Variants in CADM2 observed in about 807,000 individuals in gnomAD.
The protein encoded by CADM2 is cell adhesion molecule 2.
CADM2 carries 12 observed loss-of-function variants against 49.8 expected under a neutral mutation model. The ratio of observed to expected loss-of-function variants is 0.24; its 90% confidence interval spans 0.15 to 0.39. The LOEUF is 0.39. CADM2 is among the 10% of genes least tolerant of loss of function. The pLI is 1.00. For synonymous variants in CADM2, 214 were observed against 175.4 expected, an observed-to-expected ratio of 1.22 and a Z score of -1.74; for missense variants, 378 against 492.3, an observed-to-expected ratio of 0.77 and a Z score of 2.20.
intron 3 of CADM2, among the ~76,000 whole-genome samples, chr3:85,828,484 A>G (rs1163860445): frequency 6.6e-6 from 1 of 152,012 alleles, no homozygotes; most frequent in Non-Finnish European, 1.5e-5. Context: ...TGACACATAT[A>G]TTACGTATGA....
intron 7 of CADM2, among the ~76,000 whole-genome samples, chr3:85,941,465 C>T (rs183428408): frequency 4.0e-4 from 61 of 151,904 alleles, no homozygotes; most frequent in African/African-American, 1.3e-3. Flanking sequence ...ACAGCAACTT[C>T]GATATTTTAT....
chr3:85,241,285 A>G (rs2042524146), intron 1 of CADM2, among the ~76,000 whole-genome samples: 5 of 151,536 alleles, frequency 3.3e-5, no homozygotes, highest in Admixed American at 3.3e-4. Context: ...AGCCTAGATT[A>G]TGATAGGACA....
At chr3:85,190,793 G>A (rs1173278431) in intron 1 of CADM2, among the ~76,000 whole-genome samples, 1 of 152,042 alleles carries the variant, frequency 6.6e-6, no homozygotes, top group African/African-American at 2.4e-5. Flanking sequence ...TTCTTACCGA[G>A]TTCATAAGTT....
chr3:85,051,548 G>A (rs2035883787), intron 1 of CADM2, among the ~76,000 whole-genome samples: 1 of 152,092 alleles, frequency 6.6e-6, no homozygotes, highest in Non-Finnish European at 1.5e-5. Flanking sequence ...CTGTGTTACT[G>A]ATGATTTGGC....
chr3:85,867,058 C>T lies in CADM2; in HGVS notation c.239-16233C>T, dbSNP rs183576461. Among the ~76,000 whole-genome samples, 429 of 152,172 alleles carry T rather than the reference C, an allele frequency of 2.8e-3. 1 individual carries two copies. Among genetic ancestry groups the T allele is most frequent in the African/African-American group, 9.9e-3 (413 of 41,522 alleles). On this transcript the variant is annotated intron_variant, in intron 3 of 9. Transcript: ENST00000383699. ...ATATATAACATTTAGTATAATCATA[C>T]TATAAATTCCCTTATTATTATTTTT...
chr3:85,332,679 T>A (rs1203546560), intron 1 of CADM2, among the ~76,000 whole-genome samples: 2 of 151,988 alleles, frequency 1.3e-5, no homozygotes, highest in African/African-American at 4.8e-5. Flanking sequence ...GTAAAATATG[T>A]CCTCTGGAGT....
Position 85,179,722 on chromosome 3 carries a change from G to A in CADM2, c.61+220054G>A, listed in dbSNP as rs1266983274. Among the ~76,000 whole-genome samples, 5 of 152,042 alleles carry A rather than the reference G, an allele frequency of 3.3e-5. No homozygotes were observed. In the South Asian group the frequency reaches 1.0e-3, roughly 32 times the overall value. On this transcript the variant is annotated intron_variant, in intron 1 of 9. Coordinates refer to ENST00000383699, the MANE Select transcript of CADM2 (RefSeq NM_001167675.2). The stretch of plus-strand genomic sequence containing the variant: ...ATAGATTTTTTTCCACAAGTGCTTA[G>A]ACCCAGCTGGTAGAATAACTATGTA...
chr3:85,266,413 G>C (rs2043122157), intron 1 of CADM2, among the ~76,000 whole-genome samples: 1 of 151,814 alleles, frequency 6.6e-6, no homozygotes, highest in African/African-American at 2.4e-5. Context: ...AATAGATTCA[G>C]ACTGTGACAG....
intron 1 of CADM2, among the ~76,000 whole-genome samples, chr3:85,079,717 A>G (rs1424205757): frequency 3.3e-5 from 5 of 151,958 alleles, no homozygotes; most frequent in African/African-American, 1.2e-4. Flanking sequence ...AAAAATAAAA[A>G]AAATTACATA....
intron 1 of CADM2, among the ~76,000 whole-genome samples, chr3:85,635,713 T>A (rs897176437): frequency 6.6e-5 from 10 of 152,174 alleles, no homozygotes; most frequent in African/African-American, 9.6e-5. Context: ...ACAAATAATA[T>A]ATACACTAAT....
chr3:85,638,616 A>T (rs2064596896), intron 1 of CADM2, among the ~76,000 whole-genome samples: 1 of 151,990 alleles, frequency 6.6e-6, no homozygotes, highest in Non-Finnish European at 1.5e-5. Context: ...ATTTTCTACC[A>T]TTTGTTTTAC....
intron 1 of CADM2, among the ~76,000 whole-genome samples, chr3:85,558,983 G>A (rs887761612): frequency 2.0e-5 from 3 of 152,016 alleles, no homozygotes; most frequent in Non-Finnish European, 4.4e-5. Flanking sequence ...GACTGATTAC[G>A]TATGCATTTG....
chr3:85,694,511 C>G (rs1419069487), intron 1 of CADM2, among the ~76,000 whole-genome samples: 5 of 152,114 alleles, frequency 3.3e-5, no homozygotes, highest in Admixed American at 6.6e-5. Context: ...GCTTTTTAAC[C>G]CACCCAGTGT....
intron 1 of CADM2, among the ~76,000 whole-genome samples, chr3:85,170,713 C>T (rs931395075): frequency 1.3e-5 from 2 of 152,084 alleles, no homozygotes; most frequent in Non-Finnish European, 2.9e-5. Context: ...ATTTGTTTGT[C>T]CTTATGTTGG....
intron 7 of CADM2, among the ~76,000 whole-genome samples, chr3:85,960,214 T>C (rs893594693): frequency 1.3e-5 from 2 of 151,968 alleles, no homozygotes; most frequent in Non-Finnish European, 2.9e-5. Flanking sequence ...ACAACTTTTA[T>C]CCCTTCTACA....
At chr3:85,299,296 G>A (rs935585513) in intron 1 of CADM2, among the ~76,000 whole-genome samples, 4 of 151,742 alleles carry the variant, frequency 2.6e-5, no homozygotes, top group African/African-American at 7.3e-5. Flanking sequence ...GTAAAACTGG[G>A]GATGCATATG....
At chr3:85,846,071 A>G (rs1559697480) in intron 3 of CADM2, among the ~76,000 whole-genome samples, 1 of 152,102 alleles carries the variant, frequency 6.6e-6, no homozygotes, top group African/African-American at 2.4e-5. Flanking sequence ...CATAGGAGAG[A>G]CTCAGAGAAG....
intron 5 of CADM2, among the ~76,000 whole-genome samples, chr3:85,895,348 C>G (rs910349359): frequency 3.9e-5 from 6 of 152,222 alleles, no homozygotes; most frequent in Non-Finnish European, 7.3e-5. Context: ...TGTGACAATG[C>G]ACAGGGCCTG....
rs376644412 is a variant in CADM2, at chr3:85,274,731, A to C, written c.61+315063A>C. On this transcript the variant is annotated intron_variant, in intron 1 of 9. Coordinates refer to ENST00000383699, the MANE Select transcript of CADM2 (RefSeq NM_001167675.2). ...GCTAGTAGGACAACAGTAGTGATCAAGACAGACCTTCTTGTCTTCGTGGAG... is the reference window on the plus strand; with the variant it reads ...GCTAGTAGGACAACAGTAGTGATCACGACAGACCTTCTTGTCTTCGTGGAG... Among the ~76,000 whole-genome samples, 272 of 151,692 alleles carry C rather than the reference A, an allele frequency of 1.8e-3. 1 individual carries two copies. The highest frequency in any genetic ancestry group is 6.3e-3 in the African/African-American group (262 of 41,478).
Sources: allele counts gnomAD v4.1 joint callset (sites outside exome capture counted in the v4.1 genomes callset), GRCh38; gene constraint gnomAD v4.1.1; transcripts MANE v1.5; gene names NCBI Gene and HGNC (gene_info 2026-07-23, HGNC 2026-07-21).